MTM1: variants seen among roughly 807,000 people sequenced by gnomAD.
The protein encoded by MTM1 is myotubularin 1, also known as myotubularin.
MTM1 carries 9 observed loss-of-function variants against 52.1 expected under a neutral mutation model. The observed-to-expected ratio is 0.17, with a 90% confidence interval of 0.10 to 0.30. The LOEUF is 0.30. MTM1 is among the 10% of genes least tolerant of loss of function. The probability of loss-of-function intolerance (pLI) is 1.00; values close to 1 mark genes in which losing one functional copy is unlikely to be tolerated. For missense variants in MTM1, 277 were observed against 470.7 expected (o/e 0.59, Z 3.81); for synonymous variants, 136 against 163.8 (o/e 0.83, Z 1.29).
intron 6 of MTM1, among the ~76,000 whole-genome samples, chrX:150,638,629 A>G (rs2039793938): frequency 9.0e-6 from 1 of 111,215 alleles, no homozygotes; most frequent in South Asian, 3.8e-4. Context: ...ATCAATTGCT[A>G]ATACTGTTTA....
intron 6 of MTM1, among the ~76,000 whole-genome samples, chrX:150,626,337 G>A (rs2039568875): frequency 9.0e-6 from 1 of 111,430 alleles, no homozygotes; most frequent in Admixed American, 9.5e-5. Context: ...TTTTTGAGAC[G>A]GAGTCTTGCT....
chrX:150,614,402 T>C (rs1557413084), intron 4 of MTM1, among the ~76,000 whole-genome samples, 187 bp from the exon 5 acceptor site: 1 of 112,232 alleles, frequency 8.9e-6, no homozygotes, highest in African/African-American at 3.2e-5. Context: ...GGGATGCATT[T>C]TGATTGCATA....
chrX:150,666,084 A>G (rs2040299543), intron 14 of MTM1, among the ~76,000 whole-genome samples: 1 of 112,610 alleles, frequency 8.9e-6, no homozygotes, highest in Non-Finnish European at 1.9e-5. Flanking sequence ...TATGAATATG[A>G]AAATTGTTTG....
chrX:150,650,207 AT>A (rs1871016685), intron 10 of MTM1, among the ~76,000 whole-genome samples: 1 of 102,560 alleles, frequency 9.8e-6, no homozygotes. Flanking sequence ...CCATTACTGG[AT>A]ATGACCTCTT....
chrX:150,664,585 G>A lies in MTM1; in HGVS notation c.1644+976G>A, dbSNP rs888585649. On this transcript the variant is annotated intron_variant, in intron 14 of 14. Coordinates refer to ENST00000370396, the MANE Select transcript of MTM1 (RefSeq NM_000252.3). ...AATGGTTGAAATGTGTATTCTTTTG[G>A]AAAGTGACAGATTCCAGGGCTTGAG... 5.3e-5 allele frequency among the ~76,000 whole-genome samples: 6 copies of A among 112,942 alleles called. No individual in the cohort carries two copies. In the Admixed American group the frequency reaches 5.6e-4, roughly 11 times the overall value.
intron 7 of MTM1, among the ~76,000 whole-genome samples, chrX:150,640,414 C>T (rs2039829408): frequency 9.0e-6 from 1 of 111,691 alleles, no homozygotes; most frequent in African/African-American, 3.3e-5. Flanking sequence ...GACTCAACAT[C>T]TGTTTGGTCC....
intron 6 of MTM1, among the ~76,000 whole-genome samples, chrX:150,633,680 C>CA (rs11335266): frequency 8.9e-5 from 9 of 100,944 alleles, no homozygotes; most frequent in Middle Eastern, 4.9e-3. Flanking sequence ...AAATCAAATT[C>CA]AAAAAAAAAA....
chrX:150,583,910 A>T lies in MTM1; in HGVS notation c.-10-8695A>T, dbSNP rs868914660. ...ATATATATATTTGATATATATATAT[A>T]TAATATAAAATATATATTAAATTAA... On this transcript the variant is annotated intron_variant, in intron 1 of 14. Transcript: ENST00000370396. Among the ~76,000 whole-genome samples, 131 of 41,169 alleles carry T rather than the reference A, an allele frequency of 3.2e-3. 7 individuals carry two copies. The highest frequency in any genetic ancestry group is 3.8e-3 in the African/African-American group (49 of 12,831). The allele number at this position is 41,169 out of a possible 115,157, so 35.8% of individuals were successfully genotyped here.
intron 6 of MTM1, among the ~76,000 whole-genome samples, chrX:150,629,805 A>T (rs1407267711): frequency 9.0e-6 from 1 of 111,287 alleles, no homozygotes; most frequent in Non-Finnish European, 1.9e-5. Flanking sequence ...CAGCTACCTC[A>T]TTGCCCTCCT....
upstream of MTM1, among the ~76,000 whole-genome samples, chrX:150,563,655 G>A (rs1210977301): frequency 1.0e-4 from 11 of 106,824 alleles, no homozygotes; most frequent in African/African-American, 3.4e-4. Context: ...GGAAGCTGTG[G>A]CAGGTGGATC....
intron 14 of MTM1, among the ~76,000 whole-genome samples, chrX:150,667,880 TG>T (rs1248254074): frequency 1.1e-4 from 12 of 112,532 alleles, no homozygotes; most frequent in Admixed American, 6.5e-4. Flanking sequence ...GTGGGTAGAA[TG>T]GTGTGTCCCC....
chrX:150,633,394 T>G (rs782363942), intron 6 of MTM1, among the ~76,000 whole-genome samples: 3 of 112,275 alleles, frequency 2.7e-5, no homozygotes, highest in Admixed American at 9.4e-5. Context: ...TCAAAACTGA[T>G]ATAAATGAAC....
chrX:150,630,203 G>A (rs1389623731), intron 6 of MTM1, among the ~76,000 whole-genome samples: 1 of 111,393 alleles, frequency 9.0e-6, no homozygotes, highest in African/African-American at 3.3e-5. Context: ...AGCGATTTTC[G>A]TGCCTCAGCC....
rs782522381 is a variant in MTM1, at chrX:150,663,373, T to C, written c.1468-60T>C. On this transcript the variant is annotated intron_variant, in intron 13 of 14. Coordinates refer to ENST00000370396, the MANE Select transcript of MTM1 (RefSeq NM_000252.3). ...GTATTGCTACAGGCTGCAAAATGGT[T>C]TGTGGATTTATGTGTGTTTTTACTT... 5 of 1,152,228 alleles carry C rather than the reference T, an allele frequency of 4.3e-6. No homozygotes were observed. In the East Asian group the frequency reaches 1.5e-4, roughly 35 times the overall value. The allele number at this position is 1,152,228 out of a possible 1,213,427, so 95.0% of individuals were successfully genotyped here. A position where few individuals can be genotyped will look rare whatever the true frequency, so the allele number is the denominator to read the frequency against.
At chrX:150,624,310 G>T (rs1603166138) in intron 6 of MTM1, among the ~76,000 whole-genome samples, 1 of 111,778 alleles carries the variant, frequency 8.9e-6, no homozygotes, top group East Asian at 2.8e-4. Context: ...AAATTGTACT[G>T]AATTCTCATA....
At chrX:150,610,258 C>T (rs986507690) in intron 4 of MTM1, among the ~76,000 whole-genome samples, 29 of 111,356 alleles carry the variant, frequency 2.6e-4, no homozygotes, top group Non-Finnish European at 5.1e-4. Context: ...AGCAACCTGG[C>T]ATTGTAGTTA....
intron 6 of MTM1, among the ~76,000 whole-genome samples, chrX:150,627,649 A>C (rs782283188): frequency 5.4e-5 from 6 of 111,650 alleles, no homozygotes; most frequent in Non-Finnish European, 9.4e-5. Context: ...GTCTTTGTGG[A>C]CTTTTCTACC....
intron 2 of MTM1, among the ~76,000 whole-genome samples, chrX:150,596,217 C>T (rs782690871): frequency 9.0e-6 from 1 of 111,542 alleles, no homozygotes; most frequent in Admixed American, 9.5e-5. Context: ...ATCACTTTCC[C>T]GAAAGCTGTT....
At position 150,671,727 on chromosome X, in the gene MTM1, G is replaced by C; in HGVS notation, c.*132G>C. The C allele has an allele frequency of 1.4e-6, 1 of 693,566 alleles. No individual in the cohort carries two copies. The highest frequency in any genetic ancestry group is 2.8e-5 in the Admixed American group (1 of 35,823). 57.2% of individuals were successfully genotyped at this position (693,566 alleles called of 1,213,427 possible). A position where few individuals can be genotyped will look rare whatever the true frequency, so the allele number is the denominator to read the frequency against. On this transcript the variant is annotated 3_prime_UTR_variant, in exon 15 of 15. Transcript: ENST00000370396. ...TGAACTAACATAATCTTAAACTCTT[G>C]AATATGTGCCTTCTAGAATACATAT... is the stretch of plus-strand genomic sequence containing the variant.
Sources: gnomAD v4.1 joint callset for allele counts (sites outside exome capture counted in the v4.1 genomes callset) on GRCh38, gnomAD v4.1.1 for gene constraint, MANE v1.5 for transcripts, NCBI Gene and HGNC (gene_info 2026-07-23, HGNC 2026-07-21) for gene names.